The following MAP4K3 variants were observed in gnomAD, a reference collection of about 807,000 sequenced individuals.
The protein encoded by MAP4K3 is MAPK/ERK kinase kinase kinase 3.
A neutral mutation model predicts 143.5 loss-of-function variants in MAP4K3; 94 were observed. The observed-to-expected ratio is 0.65, with a 90% CI of 0.55 to 0.78. The LOEUF (loss-of-function observed/expected upper bound fraction) is 0.78, where lower values mean the gene tolerates loss of function less well. MAP4K3 is among the 30% of genes least tolerant of loss of function. MAP4K3 has a pLI of 0.00. For missense variants in MAP4K3, 1,077 were observed against 1,068.1 expected (o/e 1.01, Z -0.12); for synonymous variants, 416 against 347.2 (o/e 1.20, Z -2.20).
At chr2:39,250,967 G>C (rs971720575) in intron 33 of MAP4K3, among the ~76,000 whole-genome samples, 2 of 152,118 alleles carry the variant, frequency 1.3e-5, no homozygotes, top group East Asian at 3.9e-4. Flanking sequence ...GAAATTATTT[G>C]GGGGAACTTA....
chr2:39,384,556 A>G (rs1176262470), intron 1 of MAP4K3, among the ~76,000 whole-genome samples: 1 of 152,200 alleles, frequency 6.6e-6, no homozygotes, highest in Non-Finnish European at 1.5e-5. Flanking sequence ...CAAAACAACA[A>G]CAGCAACAAA....
At chr2:39,334,454 A>G (rs1174340650) in intron 6 of MAP4K3, among the ~76,000 whole-genome samples, 1 of 152,094 alleles carries the variant, frequency 6.6e-6, no homozygotes, top group African/African-American at 2.4e-5. Context: ...GAGAAAAAAA[A>G]AGGCTCCTAA....
At chr2:39,412,325 T>C (rs1572502000) in intron 1 of MAP4K3, among the ~76,000 whole-genome samples, 1 of 152,200 alleles carries the variant, frequency 6.6e-6, no homozygotes, top group East Asian at 1.9e-4. Flanking sequence ...CTGTAGCAAT[T>C]AATGTCGTCC....
chr2:39,365,992 C>G (rs982466757), intron 2 of MAP4K3, among the ~76,000 whole-genome samples: 1 of 152,140 alleles, frequency 6.6e-6, no homozygotes, highest in African/African-American at 2.4e-5. Flanking sequence ...TTCTAAACTC[C>G]ATTTCATATG....
At chr2:39,277,669 A>C (rs1681328808) in intron 24 of MAP4K3, among the ~76,000 whole-genome samples, 1 of 150,342 alleles carries the variant, frequency 6.7e-6, no homozygotes, top group African/African-American at 2.5e-5. Context: ...GGTTCAAGTG[A>C]CTCTCCTGTC....
intron 2 of MAP4K3, among the ~76,000 whole-genome samples, chr2:39,371,943 T>C (rs1429730035): frequency 6.6e-6 from 1 of 150,580 alleles, no homozygotes; most frequent in Non-Finnish European, 1.5e-5. Context: ...TTGTAGAGCA[T>C]TCAGACAAGA....
chr2:39,418,483 A>T (rs1223511459), intron 1 of MAP4K3, among the ~76,000 whole-genome samples: 2 of 152,218 alleles, frequency 1.3e-5, no homozygotes, highest in Non-Finnish European at 2.9e-5. Flanking sequence ...TTAACTTCTT[A>T]CCTCTTGAGT....
chr2:39,428,701 T>C (rs1457376085), intron 1 of MAP4K3, among the ~76,000 whole-genome samples: 1 of 151,912 alleles, frequency 6.6e-6, no homozygotes, highest in Admixed American at 6.6e-5. Context: ...AATCTTTGGA[T>C]ACATAGAAAA....
At chr2:39,321,922 TCCCC>T (rs1238607050) in intron 12 of MAP4K3, among the ~76,000 whole-genome samples, 1 of 152,170 alleles carries the variant, frequency 6.6e-6, no homozygotes, top group Non-Finnish European at 1.5e-5. Context: ...CCCTGACACA[TCCCC>T]CTCTCGGGGA....
At chr2:39,298,601 A>G (rs1314423663) in intron 16 of MAP4K3, among the ~76,000 whole-genome samples, 1 of 152,152 alleles carries the variant, frequency 6.6e-6, no homozygotes, top group African/African-American at 2.4e-5. Flanking sequence ...TTTAGTTACT[A>G]TTTCTCAACT....
intron 26 of MAP4K3, among the ~76,000 whole-genome samples, chr2:39,269,470 C>CTTTTTTTTTTTTTTTTTTTTT (rs59479315): frequency 1.1e-5 from 1 of 89,676 alleles, no homozygotes. Flanking sequence ...TTGCTCAGGT[C>CTTTTTTTTTTTTTTTTTTTTT]TTTTTTTTTT....
At chr2:39,421,926 G>A (rs1236088820) in intron 1 of MAP4K3, among the ~76,000 whole-genome samples, 2 of 151,760 alleles carry the variant, frequency 1.3e-5, no homozygotes, top group Admixed American at 6.6e-5. Context: ...TTGGCCATGG[G>A]CTGCAATTTT....
chr2:39,416,632 A>C (rs895132567), intron 1 of MAP4K3, among the ~76,000 whole-genome samples: 4 of 152,226 alleles, frequency 2.6e-5, no homozygotes, highest in African/African-American at 9.6e-5. Flanking sequence ...ATACAGTTCC[A>C]TTTCTGCAAG....
chr2:39,308,569 A>T (rs529491768), intron 14 of MAP4K3, among the ~76,000 whole-genome samples: 79 of 152,278 alleles, frequency 5.2e-4, no homozygotes, highest in African/African-American at 1.7e-3. Flanking sequence ...TTAAATAGCA[A>T]ATAAAAAAAT....
chr2:39,301,709 G>A (rs1009171080), intron 15 of MAP4K3, among the ~76,000 whole-genome samples: 1 of 151,918 alleles, frequency 6.6e-6, no homozygotes, highest in Non-Finnish European at 1.5e-5. Flanking sequence ...TATAGGCCGG[G>A]CGCGGTAATA....
At chr2:39,276,145 T>A (rs1681241970) in intron 24 of MAP4K3, among the ~76,000 whole-genome samples, 1 of 152,176 alleles carries the variant, frequency 6.6e-6, no homozygotes, top group Non-Finnish European at 1.5e-5. Flanking sequence ...GTGCTGGGAT[T>A]ACAGGCATGA....
At chr2:39,289,724 CAAAT>C (rs1681950004) in intron 19 of MAP4K3, among the ~76,000 whole-genome samples, 1 of 152,136 alleles carries the variant, frequency 6.6e-6, no homozygotes, top group South Asian at 2.1e-4. Flanking sequence ...TAACCCAAGT[CAAAT>C]AACACTAATC....
chr2:39,326,956 T>C (rs535960170), intron 8 of MAP4K3, among the ~76,000 whole-genome samples: 10 of 152,256 alleles, frequency 6.6e-5, no homozygotes, highest in African/African-American at 2.4e-4. Context: ...AATCAAACCT[T>C]TGTTTATAAA....
At chr2:39,259,188 C>T (rs1457546744) in intron 29 of MAP4K3, among the ~76,000 whole-genome samples, 1 of 151,996 alleles carries the variant, frequency 6.6e-6, no homozygotes, top group Non-Finnish European at 1.5e-5. Context: ...AGATGGGGTC[C>T]TGCTATATCG....
Sources: gnomAD v4.1 joint callset for allele counts (sites outside exome capture counted in the v4.1 genomes callset) on GRCh38, gnomAD v4.1.1 for gene constraint, MANE v1.5 for transcripts, NCBI Gene and HGNC (gene_info 2026-07-23, HGNC 2026-07-21) for gene names.